PIEZO1: variants seen among roughly 807,000 people sequenced by gnomAD.
PIEZO1 encodes piezo type mechanosensitive ion channel component 1 (Er blood group), also known as piezo-type mechanosensitive ion channel component 1.
PIEZO1 carries 296 observed loss-of-function variants against 297.2 expected under a neutral mutation model. That is an observed-to-expected ratio of 1.00 (90% CI 0.91 to 1.10). The LOEUF is 1.10. PIEZO1 is among the 50% of genes least tolerant of loss of function. The pLI, the probability that PIEZO1 is intolerant of heterozygous loss-of-function variation, is 0.00. For missense variants in PIEZO1, 5,018 were observed against 3,455.5 expected, an observed-to-expected ratio of 1.45 and a Z score of -11.34; for synonymous variants, 2,427 against 1,507.5, an observed-to-expected ratio of 1.61 and a Z score of -14.13.
intron 1 of PIEZO1, among the ~76,000 whole-genome samples, chr16:88,782,050 A>G (rs952555547): frequency 1.3e-5 from 2 of 152,196 alleles, no homozygotes; most frequent in Non-Finnish European, 2.9e-5. Flanking sequence ...CCCTGTCTAG[A>G]TTTCCCACTG....
intron 27 of PIEZO1, 173 bp from the exon 28 acceptor site, chr16:88,725,857 G>T: frequency 1.6e-6 from 1 of 607,194 alleles, no homozygotes. Flanking sequence ...TGCTGTCTGC[G>T]GCGAGGACAG....
In PIEZO1 at chr16:88,715,446, C is replaced by T; in HGVS notation, c.*159G>A. On this transcript the variant is annotated 3_prime_UTR_variant, in exon 51 of 51. Transcript: ENST00000301015. ...CAGGCCGTGGGGACGCAGTGTCCTT[C>T]TCTGACAGCAGCATCAGGGCTCAGG... The T allele has an allele frequency of 1.1e-6, 1 of 951,032 alleles. No individual in the cohort carries two copies. Among genetic ancestry groups the T allele is most frequent in the Non-Finnish European group, 1.6e-6 (1 of 644,726 alleles). 58.9% of individuals were successfully genotyped at this position (951,032 alleles called of 1,614,324 possible).
intron 22 of PIEZO1, 119 bp from the exon 23 acceptor site, chr16:88,727,780 C>T (rs572081772): frequency 1.6e-5 from 8 of 486,700 alleles, no homozygotes; most frequent in African/African-American, 1.4e-4. Flanking sequence ...AATCACCTCG[C>T]GCACACCTGG....
intron 16 of PIEZO1, 67 bp from the exon 17 acceptor site, chr16:88,734,121 G>A: frequency 3.4e-6 from 5 of 1,460,878 alleles, no homozygotes; most frequent in African/African-American, 1.4e-5. Context: ...GGGGCTGGAA[G>A]AAGCCCTGTC....
chr16:88,719,386 C>G (rs1912265549), intron 44 of PIEZO1, 188 bp downstream of exon 44: 2 of 605,696 alleles, frequency 3.3e-6, no homozygotes, highest in Non-Finnish European at 5.8e-6. Context: ...GCGCCCAGCA[C>G]TCACTCGCAG....
intron 44 of PIEZO1, chr16:88,717,733 A>C (rs893145204): frequency 2.9e-5 from 13 of 441,916 alleles, no homozygotes; most frequent in Admixed American, 5.1e-5. Flanking sequence ...ATTTTCTGCA[A>C]ATTTTAATTG....
intron 2 of PIEZO1, among the ~76,000 whole-genome samples, chr16:88,749,108 CG>C (rs766703117): frequency 5.3e-5 from 8 of 151,708 alleles, no homozygotes; most frequent in South Asian, 2.1e-4. Flanking sequence ...GGCGTGGTGG[CG>C]GGCGCCTGTA....
At chr16:88,732,000 C>T (rs1904877932) in intron 21 of PIEZO1, 90 bp from the exon 22 acceptor site, 1 of 6,966 alleles carries the variant, frequency 1.4e-4, no homozygotes, top group East Asian at 3.2e-3. Context: ...AGGCTTGCAG[C>T]AGCCCTGCCT....
At position 88,717,003 on chromosome 16, in the gene PIEZO1, G is replaced by A. The variant is rs1435572273; in HGVS notation, c.6660+20C>T. On this transcript the variant is annotated intron_variant, in intron 45 of 50. Coordinates refer to ENST00000301015, the MANE Select transcript of PIEZO1 (RefSeq NM_001142864.4). ...ACCCCCAGGGGATGGGAATGGACAG[G>A]CGGACCCACACATGCTCACCTCATA... The A allele has an allele frequency of 1.2e-5, 19 of 1,549,800 alleles. 1 individual carries two copies. The South Asian group carries it at 2.1e-4, about 17-fold the overall frequency.
At chr16:88,728,339 C>T (rs925694958) in intron 22 of PIEZO1, among the ~76,000 whole-genome samples, 11 of 152,274 alleles carry the variant, frequency 7.2e-5, no homozygotes, top group African/African-American at 2.4e-4. Context: ...CACGCATCTG[C>T]GAAACCCACA....
intron 2 of PIEZO1, 70 bp downstream of exon 2, chr16:88,749,314 G>C: frequency 9.9e-7 from 1 of 1,013,254 alleles, no homozygotes; most frequent in Non-Finnish European, 1.4e-6. Flanking sequence ...AAAGCTGTAC[G>C]AATTTTGGCC....
intron 1 of PIEZO1, among the ~76,000 whole-genome samples, chr16:88,758,897 CAG>C (rs760339467): frequency 4.9e-4 from 74 of 152,340 alleles, no homozygotes; most frequent in Non-Finnish European, 7.8e-4. Context: ...ATACAAGCCA[CAG>C]AGAGTCAGAC....
chr16:88,749,615 G>C, intron 1 of PIEZO1, 136 bp from the exon 2 acceptor site: 1 of 652,092 alleles, frequency 1.5e-6, no homozygotes, highest in Non-Finnish European at 2.5e-6. Flanking sequence ...AGCCAGAGCC[G>C]TGGAAGCCGC....
At chr16:88,763,751 C>A (rs971409264) in intron 1 of PIEZO1, among the ~76,000 whole-genome samples, 6 of 152,124 alleles carry the variant, frequency 3.9e-5, no homozygotes, top group Admixed American at 3.9e-4. Context: ...ATGGAAGGGC[C>A]GATGTTAAGG....
intron 11 of PIEZO1, 94 bp downstream of exon 11, chr16:88,736,545 G>A (rs1905231620): frequency 1.2e-5 from 8 of 642,890 alleles, no homozygotes; most frequent in Non-Finnish European, 1.9e-5. Flanking sequence ...GCGGCAGAGG[G>A]GGCTGCACAG....
chr16:88,717,820 C>G (rs1912159115), intron 44 of PIEZO1: 1 of 445,962 alleles, frequency 2.2e-6, no homozygotes, highest in East Asian at 7.0e-5. Flanking sequence ...TGCAGAAAAA[C>G]AGAAAAAACT....
At position 88,720,668 on chromosome 16, in the gene PIEZO1, C is replaced by G. The variant is rs769913803; in HGVS notation, c.5749G>C (p.Gly1917Arg). 3.9e-6 allele frequency: 6 copies of G among 1,548,318 alleles called. No homozygotes were observed. In the South Asian group the frequency reaches 6.0e-5, roughly 15 times the overall value. ...TGREKRPSRS[G>R]GRVRAAGRRL... ...CGCCCGGCCGCCCTTACTCTTCCTC[C>G]AGAGCGGCTTGGCCTCTTCTCTCTC... The change falls in exon 40 of 51, where the codon GGA becomes CGA. Residue 1917 changes from glycine (G) to arginine (R), a missense_variant. Gly to Arg is a moderately radical substitution (Grantham distance 125). Transcript: ENST00000301015.
At chr16:88,725,869 C>A (rs1215542191) in intron 27 of PIEZO1, 185 bp from the exon 28 acceptor site, 10 of 601,030 alleles carry the variant, frequency 1.7e-5, no homozygotes, top group Non-Finnish European at 2.4e-5. Flanking sequence ...CGAGGACAGG[C>A]CCTTCTGCCG....
intron 1 of PIEZO1, among the ~76,000 whole-genome samples, chr16:88,764,394 G>A (rs916545033): frequency 4.6e-5 from 7 of 152,126 alleles, no homozygotes. Context: ...AAACCCAGGC[G>A]CCATGTTCTA....
Sources: gnomAD v4.1 joint callset for allele counts (sites outside exome capture counted in the v4.1 genomes callset) on GRCh38, gnomAD v4.1.1 for gene constraint, MANE v1.5 for transcripts, NCBI Gene and HGNC (gene_info 2026-07-23, HGNC 2026-07-21) for gene names.